Variants in CDKL5 observed in about 807,000 individuals in gnomAD.
The protein encoded by CDKL5 is cyclin-dependent kinase-like 5.
CDKL5 carries 8 observed loss-of-function variants against 61.7 expected under a neutral mutation model. That is an observed-to-expected ratio of 0.13 (90% CI 0.08 to 0.23). CDKL5 has a LOEUF of 0.23. Among genes scored for constraint, CDKL5 ranks in the 10% least tolerant of loss-of-function variants. CDKL5 has a pLI of 1.00. For missense variants in CDKL5, 440 were observed against 734.5 expected (o/e 0.60, Z 4.63); for synonymous variants, 275 against 272.3 (o/e 1.01, Z -0.10).
At chrX:18,535,508 C>T (rs1329163814) in intron 3 of CDKL5, 1 of 112,081 alleles carries the variant, frequency 8.9e-6, no homozygotes, top group African/African-American at 3.3e-5. Flanking sequence ...GTGAGAATCC[C>T]AGGGAGCTTG....
chrX:18,436,897 C>CAAAA (rs60845430), intron 1 of CDKL5, among the ~76,000 whole-genome samples: 11 of 15,730 alleles, frequency 7.0e-4, no homozygotes, highest in East Asian at 2.4e-3. Flanking sequence ...ACTCTTGACT[C>CAAAA]AAAAAAAAAA....
rs1379153259 is a variant in CDKL5 at position 18,427,290 on chromosome X, A to G, written c.-163+1595A>G. 4.1e-5 allele frequency among the ~76,000 whole-genome samples: 4 copies of G among 97,286 alleles called. No homozygotes were observed. The East Asian group carries it at 1.4e-3, about 35-fold the overall frequency. The allele number at this position is 97,286 out of a possible 115,157, so 84.5% of individuals were successfully genotyped here. A position where few individuals can be genotyped will look rare whatever the true frequency, so the allele number is the denominator to read the frequency against. On this transcript the variant is annotated intron_variant, in intron 1 of 17. Coordinates refer to ENST00000623535, the MANE Select transcript of CDKL5 (RefSeq NM_001323289.2). ...TCTGTTGACAAATGCAGAGAAGAGA[A>G]CATTTGGGAAGGAAATCTTTTTTTC...
chrX:18,562,470 T>C (rs751979223), intron 3 of CDKL5, among the ~76,000 whole-genome samples: 2 of 112,220 alleles, frequency 1.8e-5, no homozygotes, highest in South Asian at 7.3e-4. Flanking sequence ...AGATGTCCAA[T>C]ATTACTACTA....
intron 1 of CDKL5, among the ~76,000 whole-genome samples, chrX:18,458,699 C>T (rs1046239092): frequency 1.8e-5 from 2 of 108,952 alleles, no homozygotes; most frequent in African/African-American, 3.3e-5. Context: ...CCAGCCTAGG[C>T]GACAGAGCGA....
At chrX:18,485,908 A>C in intron 1 of CDKL5, among the ~76,000 whole-genome samples, 1 of 111,195 alleles carries the variant, frequency 9.0e-6, no homozygotes, top group Non-Finnish European at 1.9e-5. Flanking sequence ...AAAAAGAGAG[A>C]GCGCAACACT....
chrX:18,587,017 G>A (rs1211389482), intron 8 of CDKL5, among the ~76,000 whole-genome samples: 2 of 112,112 alleles, frequency 1.8e-5, no homozygotes, highest in Non-Finnish European at 3.8e-5. Flanking sequence ...AATGTTAACA[G>A]TCCTTTGATT....
chrX:18,460,283 C>T (rs1220584668), intron 1 of CDKL5, among the ~76,000 whole-genome samples: 3 of 110,397 alleles, frequency 2.7e-5, no homozygotes, highest in East Asian at 5.7e-4. Context: ...TAGGGGGGAC[C>T]GTACTACACA....
At chrX:18,545,425 ATAAC>A (rs1351361155) in intron 3 of CDKL5, among the ~76,000 whole-genome samples, 1 of 111,836 alleles carries the variant, frequency 8.9e-6, no homozygotes, top group Non-Finnish European at 1.9e-5. Context: ...AGGTAGTAGA[ATAAC>A]TAGAAGGATG....
At chrX:18,452,819 GTTTTTTTTTTTTTTTT>G (rs757726659) in intron 1 of CDKL5, among the ~76,000 whole-genome samples, 1 of 57,683 alleles carries the variant, frequency 1.7e-5, no homozygotes, top group South Asian at 1.1e-3. Context: ...TAGTTCTCAA[GTTTTTTTTTTTTTTTT>G]TTTTTTTTTT....
At position 18,646,060 on chromosome X, in the gene CDKL5, C is replaced by A. The variant is rs267608664; in HGVS notation, c.2767C>A (p.Arg923Ser). 4 of 1,212,004 alleles carry A rather than the reference C, an allele frequency of 3.3e-6. No homozygotes were observed. The Admixed American group carries it at 8.7e-5, about 26-fold the overall frequency. ...ACACCATTCTGGACCCCAAGATAGA[C>A]GCTTCATGTTAAGGACGACAGAACA... Residue 923 changes from arginine to serine, a missense_variant, in exon 20 of 22, where the codon CGC (arginine) becomes AGC (serine). Transcript: ENST00000379989.
At chrX:18,498,869 C>T (rs1389107379) in intron 1 of CDKL5, among the ~76,000 whole-genome samples, 1 of 111,391 alleles carries the variant, frequency 9.0e-6, no homozygotes, top group Non-Finnish European at 1.9e-5. Context: ...ACTGCATCCT[C>T]TGTGATTCTC....
intron 3 of CDKL5, among the ~76,000 whole-genome samples, chrX:18,526,661 C>T (rs6629280): frequency 0.022 from 2,454 of 111,091 alleles, 66 homozygotes; most frequent in East Asian, 0.18. Flanking sequence ...AAATCGGTGA[C>T]GGAGATTGAG....
chrX:18,633,013 G>A lies in CDKL5; in HGVS notation c.*4256G>A. The A allele has an allele frequency of 1.3e-6, 1 of 753,749 alleles. No homozygotes were observed. The highest frequency in any genetic ancestry group is 1.6e-6 in the Non-Finnish European group (1 of 638,669). The allele number at this position is 753,749 out of a possible 1,213,427, so 62.1% of individuals were successfully genotyped here. A position where few individuals can be genotyped will look rare whatever the true frequency, so the allele number is the denominator to read the frequency against. On this transcript the variant is annotated 3_prime_UTR_variant, in exon 18 of 18. Coordinates refer to ENST00000623535, the MANE Select transcript of CDKL5 (RefSeq NM_001323289.2). ...ATTTCTGTTCACCTGGGACCTGGTG[G>A]TGACTGAACTCTTTCAGCAAGGGCA...
At chrX:18,581,248 GGAGA>G (rs935277482) in intron 6 of CDKL5, among the ~76,000 whole-genome samples, 1 of 111,523 alleles carries the variant, frequency 9.0e-6, no homozygotes, top group African/African-American at 3.3e-5. Context: ...TGCCTCCCAA[GGAGA>G]GAATTCAACT....
intron 9 of CDKL5, among the ~76,000 whole-genome samples, chrX:18,593,914 G>A (rs1221974276): frequency 1.8e-5 from 2 of 111,836 alleles, no homozygotes; most frequent in Non-Finnish European, 3.8e-5. Flanking sequence ...TTCTTCCACA[G>A]CCATAAACCA....
chrX:18,497,025 C>T (rs1354600813), intron 1 of CDKL5, among the ~76,000 whole-genome samples: 1 of 107,178 alleles, frequency 9.3e-6, no homozygotes, highest in Non-Finnish European at 1.9e-5. Flanking sequence ...TGGAGTCTTG[C>T]TCTGTTTTCC....
At chrX:18,587,631 C>T in intron 8 of CDKL5, 4 of 222,979 alleles carry the variant, frequency 1.8e-5, no homozygotes, top group East Asian at 1.0e-4. Context: ...ATTTCATTCC[C>T]CAAGTGAGGT....
intron 1 of CDKL5, among the ~76,000 whole-genome samples, chrX:18,470,620 G>A (rs1055306527): frequency 9.0e-6 from 1 of 111,055 alleles, no homozygotes. Flanking sequence ...TAATCAGACT[G>A]TACACAATTA....
intron 8 of CDKL5, 71 bp from the exon 9 acceptor site, chrX:18,587,883 C>A: frequency 9.9e-7 from 1 of 1,012,155 alleles, no homozygotes; most frequent in Non-Finnish European, 1.4e-6. Flanking sequence ...AATTTGTTCA[C>A]AATAATTTGG....
Sources: allele counts gnomAD v4.1 joint callset (sites outside exome capture counted in the v4.1 genomes callset), GRCh38; gene constraint gnomAD v4.1.1; transcripts MANE v1.5; gene names NCBI Gene and HGNC (gene_info 2026-07-23, HGNC 2026-07-21).